DDX42: variants seen among roughly 807,000 people sequenced by gnomAD.
DDX42 encodes ATP-dependent RNA helicase DDX42.
Under a neutral mutation model 101.5 loss-of-function variants are expected in DDX42, and 22 were observed. The ratio of observed to expected loss-of-function variants is 0.22; its 90% confidence interval spans 0.15 to 0.31. The LOEUF (loss-of-function observed/expected upper bound fraction) is 0.31. Ranked by LOEUF, DDX42 falls within the 10% of genes least tolerant of loss-of-function variation. DDX42 has a pLI of 1.00. For synonymous variants in DDX42, 402 were observed against 401.2 expected (o/e 1.00, Z -0.02); for missense variants, 849 against 1,199.9 (o/e 0.71, Z 4.32).
chr17:63,810,171 C>G (rs1293153952), intron 11 of DDX42: 3 of 217,014 alleles, frequency 1.4e-5, no homozygotes, highest in African/African-American at 2.3e-5. Context: ...CTGCAACTTC[C>G]TCCTTCCAGT....
At chr17:63,807,487 T>C (rs1232760298) in intron 8 of DDX42, among the ~76,000 whole-genome samples, 2 of 152,226 alleles carry the variant, frequency 1.3e-5, no homozygotes, top group African/African-American at 4.8e-5. Flanking sequence ...GTTTCTGTTC[T>C]GTAAGTGGTG....
rs908492139 is a variant in DDX42, at chr17:63,819,259, T to C, written c.*861T>C. 1 of 152,680 alleles carries C rather than the reference T, an allele frequency of 6.5e-6. No homozygotes were observed. The highest frequency in any genetic ancestry group is 1.5e-5 in the Non-Finnish European group (1 of 68,092). 9.5% of individuals were successfully genotyped at this position (152,680 alleles called of 1,614,324 possible). On this transcript the variant is annotated 3_prime_UTR_variant, in exon 18 of 18. Coordinates refer to ENST00000389924, the MANE Select transcript of DDX42 (RefSeq NM_203499.3). ...TTTGACTTTTGTGACTTTGTGAAGG[T>C]TTCTTTAAGATGTGCATTCCTTTCT...
Position 63,818,695 on chromosome 17 carries a change from C to T in DDX42, c.*297C>T, listed in dbSNP as rs1378563831. On this transcript the variant is annotated 3_prime_UTR_variant, in exon 18 of 18. Coordinates refer to ENST00000389924, the MANE Select transcript of DDX42 (RefSeq NM_203499.3). ...AAAGGGTCTTCTAGGGCACAAAACT[C>T]ACTCTAGGTTTATATTGTATGTAGC... 5 of 330,834 alleles carry T rather than the reference C, an allele frequency of 1.5e-5. No individual in the cohort carries two copies. Among genetic ancestry groups the T allele is most frequent in the Non-Finnish European group, 2.8e-5 (5 of 178,366 alleles). 20.5% of individuals were successfully genotyped at this position (330,834 alleles called of 1,614,324 possible).
chr17:63,783,652 AC>A (rs1316068436), intron 1 of DDX42, among the ~76,000 whole-genome samples: 3 of 152,176 alleles, frequency 2.0e-5, no homozygotes, highest in African/African-American at 7.2e-5. Flanking sequence ...ATTAGTACTT[AC>A]TAAATACATA....
intron 17 of DDX42, 74 bp from the exon 18 acceptor site, chr17:63,817,620 C>T (rs1598345841): frequency 6.9e-7 from 1 of 1,450,678 alleles, no homozygotes; most frequent in African/African-American, 1.4e-5. Context: ...TAAACCTCAT[C>T]ATTTGCCAAG....
intron 1 of DDX42, chr17:63,775,241 T>TA (rs796790106): frequency 7.2e-5 from 11 of 152,700 alleles, no homozygotes; most frequent in African/African-American, 2.6e-4. Flanking sequence ...GAAAAGAAAA[T>TA]ATATCTTCCT....
intron 6 of DDX42, among the ~76,000 whole-genome samples, chr17:63,803,406 T>C (rs1598336474): frequency 6.6e-6 from 1 of 151,656 alleles, no homozygotes; most frequent in African/African-American, 2.4e-5. Flanking sequence ...CTGGCCAACA[T>C]GGTGAAACCC....
At chr17:63,790,557 T>TA (rs906555346) in intron 2 of DDX42, among the ~76,000 whole-genome samples, 1 of 152,150 alleles carries the variant, frequency 6.6e-6, no homozygotes, top group Non-Finnish European at 1.5e-5. Flanking sequence ...AGTCAGGAGT[T>TA]AGAGACCAGC....
At chr17:63,782,062 C>CGAGGTCAGGAGTTT (rs1567728833) in intron 1 of DDX42, among the ~76,000 whole-genome samples, 2 of 151,938 alleles carry the variant, frequency 1.3e-5, no homozygotes, top group Admixed American at 1.3e-4. Context: ...CAGTGGATCA[C>CGAGGTCAGGAGTTT]GAGGTCAGGA....
rs372185489 is a variant in DDX42, at chr17:63,802,494, G to A, written c.621+1877G>A. Among the ~76,000 whole-genome samples the A allele has an allele frequency of 9.8e-5, 15 of 152,308 alleles. No homozygotes were observed. In the South Asian group the frequency reaches 3.1e-3, roughly 32 times the overall value. ...TAGACATTCAAGCTTTCGGCCAGAC[G>A]CAATGGCTCACGCCTGTAATTTCAA... is the stretch of plus-strand genomic sequence containing the variant. On this transcript the variant is annotated intron_variant, in intron 6 of 17. Coordinates refer to ENST00000389924, the MANE Select transcript of DDX42 (RefSeq NM_203499.3).
intron 1 of DDX42, among the ~76,000 whole-genome samples, chr17:63,783,060 A>G (rs560432593): frequency 6.6e-6 from 1 of 152,074 alleles, no homozygotes; most frequent in Admixed American, 6.6e-5. Context: ...ATGCCTCTTG[A>G]GGTTTCAAAA....
chr17:63,815,545 G>A lies in DDX42; in HGVS notation c.1903-18G>A. ...TTTCTCCCTCCCTTGACTTAACCTT[G>A]AATTTTGTTCAATGCAGAATGCCTG... On this transcript the variant is annotated intron_variant, in intron 15 of 17. Coordinates refer to ENST00000389924, the MANE Select transcript of DDX42 (RefSeq NM_203499.3). 1.3e-6 allele frequency: 2 copies of A among 1,589,354 alleles called. No homozygotes were observed. Among genetic ancestry groups the A allele is most frequent in the Non-Finnish European group, 1.7e-6 (2 of 1,158,966 alleles).
Position 63,813,363 on chromosome 17 carries a change from C to G in DDX42, c.1811C>G (p.Pro604Arg). 6.2e-7 allele frequency: 1 copy of G among 1,614,046 alleles called. No homozygotes were observed. The highest frequency in any genetic ancestry group is 8.5e-7 in the Non-Finnish European group (1 of 1,180,008). Residue 604 changes from proline to arginine, a missense_variant, in exon 15 of 18, where the codon CCC (proline) becomes CGC (arginine). By Grantham distance (103) the Pro-to-Arg change is moderately radical. Around this residue, in one of 5 missense-constraint regions of DDX42, gnomAD observed 86 missense variants for 160.8 expected, o/e 0.53. Transcript: ENST00000389924. ...GGTGTGGCCTATACCCTACTCACTC[C>G]CAAGGACAGCAATTTTGCTGGTGAC... ...EKGVAYTLLT[P>R]KDSNFAGDLV...
At chr17:63,792,295 T>G (rs1003558814) in intron 2 of DDX42, 117 bp from the exon 3 acceptor site, 74 of 1,119,524 alleles carry the variant, frequency 6.6e-5, no homozygotes, top group Non-Finnish European at 8.8e-5. Context: ...GTCTCTAATT[T>G]GATCTGCATT....
chr17:63,818,477 T>C lies in DDX42; in HGVS notation c.*79T>C. The C allele has an allele frequency of 7.1e-7, 1 of 1,408,184 alleles. No homozygotes were observed. Among genetic ancestry groups the C allele is most frequent in the Non-Finnish European group, 9.5e-7 (1 of 1,049,188 alleles). 87.2% of individuals were successfully genotyped at this position (1,408,184 alleles called of 1,614,324 possible). A position where few individuals can be genotyped will look rare whatever the true frequency, so the allele number is the denominator to read the frequency against. ...GGTAACTAGGTGTCTCAGGGCTGGG[T>C]TGGGGTCCAAAGTGTAAGGACCCCC... On this transcript the variant is annotated 3_prime_UTR_variant, in exon 18 of 18. Transcript: ENST00000389924.
At chr17:63,786,941 G>T in intron 1 of DDX42, 93 bp from the exon 2 acceptor site, 1 of 1,293,752 alleles carries the variant, frequency 7.7e-7, no homozygotes, top group Non-Finnish European at 1.1e-6. Flanking sequence ...CTCCCAAAGT[G>T]CTGGGATTAC....
In DDX42 at chr17:63,781,646, C is replaced by G. The variant is rs143554419; in HGVS notation, c.-16-5388C>G. Among the ~76,000 whole-genome samples the G allele has an allele frequency of 8.0e-3, 1,212 of 152,238 alleles. 20 individuals are homozygous for G. The highest frequency in any genetic ancestry group is 0.027 in the African/African-American group (1,141 of 41,508). On this transcript the variant is annotated intron_variant, in intron 1 of 17. Coordinates refer to ENST00000389924, the MANE Select transcript of DDX42 (RefSeq NM_203499.3). ...CTTCTTTCTTTCCCTTCCCCAATCC[C>G]TGTTCCATCTGAAGTTTCCATGTAA...
At position 63,818,372 on chromosome 17, in the gene DDX42, C is replaced by A; in HGVS notation, c.2791C>A (p.Arg931Ser). The change falls in exon 18 of 18, where the codon CGC becomes AGC. Residue 931 changes from arginine (R) to serine (S), a missense_variant. This residue lies in a region of DDX42 where 300 missense variants were observed against 304.9 expected (regional missense o/e 0.98). Coordinates refer to ENST00000389924, the MANE Select transcript of DDX42 (RefSeq NM_203499.3). ...DGFAVPEPPK[R>S]KKSRWDS ...CTTTGCTGTCCCAGAGCCGCCTAAACGCAAGAAAAGTCGATGGGACAGTTA... is the reference window on the plus strand; with the variant it reads ...CTTTGCTGTCCCAGAGCCGCCTAAAAGCAAGAAAAGTCGATGGGACAGTTA... 2 of 1,613,700 alleles carry A rather than the reference C, an allele frequency of 1.2e-6. No homozygotes were observed. The highest frequency in any genetic ancestry group is 1.3e-5 in the African/African-American group (1 of 75,022).
At chr17:63,806,723 A>G (rs2039845388) in intron 8 of DDX42, 69 bp downstream of exon 8, 2 of 1,496,024 alleles carry the variant, frequency 1.3e-6, no homozygotes, top group African/African-American at 2.8e-5. Flanking sequence ...TTTAAAAACA[A>G]ATCACAGCAG....
Sources: gnomAD v4.1 joint callset for allele counts (sites outside exome capture counted in the v4.1 genomes callset) on GRCh38, gnomAD v4.1.1 for gene constraint, gnomAD v4.1.1 regional missense constraint, MANE v1.5 for transcripts, NCBI Gene and HGNC (gene_info 2026-07-23, HGNC 2026-07-21) for gene names.